ADARB2: variants seen among roughly 807,000 people sequenced by gnomAD.
ADARB2 encodes inactive double-stranded RNA-specific editase B2.
A neutral mutation model predicts 62.2 loss-of-function variants in ADARB2; 25 were observed. The ratio of observed to expected loss-of-function variants is 0.40; its 90% CI spans 0.29 to 0.56. ADARB2 has a LOEUF of 0.56. Among genes scored for constraint, ADARB2 ranks in the 20% least tolerant of loss-of-function variants. The pLI is 0.43. For missense variants in ADARB2, 1,071 were observed against 1,077.4 expected (o/e 0.99, Z 0.08); for synonymous variants, 572 against 500.8 (o/e 1.14, Z -1.90).
intron 1 of ADARB2, among the ~76,000 whole-genome samples, chr10:1,663,374 GGCTGCTACAGAGC>G (rs930060690): frequency 9.2e-5 from 14 of 152,274 alleles, no homozygotes; most frequent in East Asian, 3.9e-4. Context: ...TCCCCGCCGT[GGCTGCTACAGAGC>G]GCTGCTACAG....
chr10:1,365,029 C>CG lies in ADARB2; in HGVS notation c.188-1113dup, dbSNP rs1217533801. On this transcript the variant is annotated intron_variant, in intron 2 of 9. Coordinates refer to ENST00000381312, the MANE Select transcript of ADARB2 (RefSeq NM_018702.4). The stretch of plus-strand genomic sequence containing the variant: ...CTGGGATTACAGGCACCCACCACCA[C>CG]GCCTGGCTAATTTTTGTATTTTTTT... 2.6e-5 allele frequency among the ~76,000 whole-genome samples: 4 copies of CG among 152,016 alleles called. No homozygotes were observed. The East Asian group carries it at 7.7e-4, about 29-fold the overall frequency.
chr10:1,647,199 C>T (rs555031786), intron 1 of ADARB2, among the ~76,000 whole-genome samples: 88 of 152,314 alleles, frequency 5.8e-4, no homozygotes, highest in African/African-American at 2.0e-3. Flanking sequence ...TTTCCAGGAA[C>T]GTTAGAAAGA....
chr10:1,224,986 T>C (rs558489091), intron 6 of ADARB2, among the ~76,000 whole-genome samples: 17 of 152,328 alleles, frequency 1.1e-4, no homozygotes, highest in African/African-American at 4.1e-4. Flanking sequence ...ACTTTCTGTC[T>C]TGTTGATCTG....
chr10:1,679,961 C>G (rs2119116044), intron 1 of ADARB2, among the ~76,000 whole-genome samples: 1 of 152,242 alleles, frequency 6.6e-6, no homozygotes, highest in East Asian at 1.9e-4. Context: ...CCCACAGACT[C>G]CAGTCAACAG....
intron 4 of ADARB2, among the ~76,000 whole-genome samples, chr10:1,248,156 C>G (rs1462935378): frequency 2.0e-5 from 3 of 152,154 alleles, no homozygotes; most frequent in African/African-American, 7.2e-5. Context: ...ACTGAGGTCC[C>G]GTCTCCAGCT....
chr10:1,344,894 A>C (rs1046580721), intron 3 of ADARB2, among the ~76,000 whole-genome samples: 10 of 152,138 alleles, frequency 6.6e-5, no homozygotes, highest in Admixed American at 6.5e-4. Flanking sequence ...CTGTTTCTCC[A>C]TGTGGCCTTC....
rs574754153 is a variant in ADARB2 at position 1,274,796 on chromosome 10, C to T, written c.1078-3727G>A. 3.2e-4 allele frequency among the ~76,000 whole-genome samples: 48 copies of T among 152,322 alleles called. 1 individual carries two copies. Among genetic ancestry groups the T allele is most frequent in the South Asian group, 2.3e-3 (11 of 4,832 alleles). On this transcript the variant is annotated intron_variant, in intron 3 of 9. Transcript: ENST00000381312. ...GTCATACAGCAGGGGGTGGCAGAGA[C>T]GGGACGTACCCCAGCTGCCTTGACC...
In ADARB2 at chr10:1,255,257, C is replaced by G. The variant is rs909654785; in HGVS notation, c.1193-12958G>C. Among the ~76,000 whole-genome samples, 2 of 152,228 alleles carry G rather than the reference C, an allele frequency of 1.3e-5. No individual in the cohort carries two copies. Among genetic ancestry groups the G allele is most frequent in the African/African-American group, 4.8e-5 (2 of 41,458 alleles). On this transcript the variant is annotated intron_variant, in intron 4 of 9. Transcript: ENST00000381312. This position sits in a 1 kb window ranked among gnomAD's most constrained non-coding sequence, Gnocchi z 4.7. ...TTCCTTCCAAAATGGCTGGGGCTTG[C>G]TTTGTCAACACAGATTCACATGTTG... is the stretch of plus-strand genomic sequence containing the variant.
chr10:1,645,534 A>C (rs1238958404), intron 1 of ADARB2, among the ~76,000 whole-genome samples: 1 of 152,128 alleles, frequency 6.6e-6, no homozygotes, highest in Non-Finnish European at 1.5e-5. Flanking sequence ...TTAAAGTCCA[A>C]CTCTGATTGT....
chr10:1,187,217 C>T lies in ADARB2; in HGVS notation c.1865-2178G>A, dbSNP rs528541668. On this transcript the variant is annotated intron_variant, in intron 8 of 9. Transcript: ENST00000381312. Reference sequence around the variant, plus strand: ...GGGAGGGACAATCTGGCCCGTTGGCCGCTGTGGCTGTCCTACTAGGCAGGG... The same window carrying T: ...GGGAGGGACAATCTGGCCCGTTGGCTGCTGTGGCTGTCCTACTAGGCAGGG... 1.1e-4 allele frequency among the ~76,000 whole-genome samples: 17 copies of T among 152,378 alleles called. 1 individual carries two copies. Among genetic ancestry groups the T allele is most frequent in the African/African-American group, 3.8e-4 (16 of 41,590 alleles).
intron 1 of ADARB2, among the ~76,000 whole-genome samples, chr10:1,713,280 G>T (rs564587494): frequency 1.3e-3 from 203 of 152,310 alleles, no homozygotes; most frequent in Non-Finnish European, 1.8e-3. Context: ...ATCCTACAGC[G>T]CTTGGGATGA....
At chr10:1,274,186 G>C (rs140996385) in intron 3 of ADARB2, among the ~76,000 whole-genome samples, 1 of 152,250 alleles carries the variant, frequency 6.6e-6, no homozygotes, top group East Asian at 1.9e-4. Flanking sequence ...GGGCAGCACC[G>C]ATCAGCATTG....
chr10:1,489,983 C>T (rs1052930294), intron 1 of ADARB2, among the ~76,000 whole-genome samples: 4 of 152,274 alleles, frequency 2.6e-5, no homozygotes, highest in Non-Finnish European at 4.4e-5. Flanking sequence ...TACAGGTGCA[C>T]GGACAACAAA....
chr10:1,705,530 C>T (rs575220683), intron 1 of ADARB2, among the ~76,000 whole-genome samples: 9 of 152,198 alleles, frequency 5.9e-5, no homozygotes, highest in South Asian at 4.2e-4. Flanking sequence ...GGCAGCTGAG[C>T]GGGGGTTAAT....
intron 8 of ADARB2, 48 bp from the exon 9 acceptor site, chr10:1,185,087 AC>A (rs1836734017): frequency 6.3e-7 from 1 of 1,577,316 alleles, no homozygotes; most frequent in Non-Finnish European, 8.6e-7. Flanking sequence ...CTGGCCTCAC[AC>A]GGGGCTCCCC....
chr10:1,658,508 T>C (rs1875012), intron 1 of ADARB2, among the ~76,000 whole-genome samples: 23,321 of 152,110 alleles, frequency 0.15, 2,625 homozygotes, highest in African/African-American at 0.32. Context: ...TTTCTGTCTC[T>C]ATCTGATTCT....
chr10:1,464,480 CGTGCTGGGG>C (rs1564297413), intron 1 of ADARB2, among the ~76,000 whole-genome samples: 5 of 76,798 alleles, frequency 6.5e-5, no homozygotes, highest in Admixed American at 1.2e-4. Flanking sequence ...CCCCCACACA[CGTGCTGGGG>C]GCAGTCACAG....
chr10:1,389,502 C>T lies in ADARB2; in HGVS notation c.101-10342G>A, dbSNP rs138935239. The stretch of plus-strand genomic sequence containing the variant: ...TGAACAGAAACTTCACTGTGGAAGA[C>T]ACTACAAAGACATACAAATAGCCAA... On this transcript the variant is annotated intron_variant, in intron 1 of 9. Transcript: ENST00000381312. Among the ~76,000 whole-genome samples the T allele has an allele frequency of 2.9e-3, 436 of 152,248 alleles. 2 individuals carry two copies. Among genetic ancestry groups the T allele is most frequent in the Non-Finnish European group, 4.4e-3 (299 of 68,004 alleles).
intron 1 of ADARB2, among the ~76,000 whole-genome samples, chr10:1,485,498 T>A (rs1831528496): frequency 6.6e-6 from 1 of 152,080 alleles, no homozygotes; most frequent in Admixed American, 6.5e-5. Context: ...GCACGCAGCC[T>A]GCATCAACAA....
Sources: allele counts gnomAD v4.1 joint callset (sites outside exome capture counted in the v4.1 genomes callset), GRCh38; gene constraint gnomAD v4.1.1; non-coding constraint Gnocchi (gnomAD v3.1); transcripts MANE v1.5; gene names NCBI Gene and HGNC (gene_info 2026-07-23, HGNC 2026-07-21).